DMXL1: variants seen among roughly 807,000 people sequenced by gnomAD.
DMXL1 encodes the protein dmX-like protein 1.
A neutral mutation model predicts 319.2 loss-of-function variants in DMXL1; 99 were observed. That is an observed-to-expected ratio of 0.31 (90% CI 0.26 to 0.37). DMXL1 has a LOEUF of 0.37. Ranked by LOEUF, DMXL1 falls within the 10% of genes least tolerant of loss-of-function variation. The pLI is 1.00. For missense variants in DMXL1, 3,745 were observed against 3,595.6 expected, an observed-to-expected ratio of 1.04 and a Z score of -1.06; for synonymous variants, 1,385 against 1,235.2, an observed-to-expected ratio of 1.12 and a Z score of -2.54.
Position 119,134,327 on chromosome 5 carries a change from T to C in DMXL1, c.2314T>C (p.Leu772=), listed in dbSNP as rs1304814207. 12 of 1,613,704 alleles carry C rather than the reference T, an allele frequency of 7.4e-6. No individual in the cohort carries two copies. The highest frequency in any genetic ancestry group is 9.3e-6 in the Non-Finnish European group (11 of 1,179,838). Residue 772 remains leucine (L), a synonymous_variant, in exon 13 of 44, where the codon TTA becomes CTA. Coordinates refer to ENST00000539542, the MANE Select transcript of DMXL1 (RefSeq NM_001290321.3). ...FVASDGQYLR[L]YEAVIDAKKL... Reference sequence around the variant, plus strand: ...AGCCAGTGATGGACAATATCTGAGATTATATGAAGCAGTTATTGATGCTAA... The same window carrying C: ...AGCCAGTGATGGACAATATCTGAGACTATATGAAGCAGTTATTGATGCTAA...
At chr5:119,152,096 G>A in intron 19 of DMXL1, 60 bp downstream of exon 19, 1 of 1,195,192 alleles carries the variant, frequency 8.4e-7, no homozygotes, top group Non-Finnish European at 1.2e-6. Flanking sequence ...AGAGACTTGG[G>A]AGTTTTTAAA....
At chr5:119,147,859 G>A (rs1481901147) in intron 17 of DMXL1, among the ~76,000 whole-genome samples, 1 of 152,142 alleles carries the variant, frequency 6.6e-6, no homozygotes, top group Non-Finnish European at 1.5e-5. Flanking sequence ...TTCCAGAGCA[G>A]TGGTTTTCAA....
intron 1 of DMXL1, among the ~76,000 whole-genome samples, chr5:119,073,227 TAA>T (rs1414630739): frequency 6.6e-6 from 1 of 152,118 alleles, no homozygotes; most frequent in Non-Finnish European, 1.5e-5. Flanking sequence ...CACGGCTGGC[TAA>T]GTTTTCTATT....
rs376781233 is a variant in DMXL1, at chr5:119,247,045, T to C, written c.8973T>C (p.His2991=). The C allele has an allele frequency of 6.1e-5, 99 of 1,614,060 alleles. No homozygotes were observed. Among genetic ancestry groups the C allele is most frequent in the Non-Finnish European group, 7.9e-5 (93 of 1,179,996 alleles). Residue 2991 remains histidine, a synonymous_variant, in exon 44 of 44, where the codon CAT becomes CAC. Transcript: ENST00000539542. ...FGLLHTFVSE[H]ARQSIFRNIG... ...TTCTCCATACTTTTGTCAGTGAACA[T>C]GCTCGGCAGTCCATTTTTAGAAATA...
chr5:119,122,092 C>A (rs1207118893), intron 9 of DMXL1, among the ~76,000 whole-genome samples: 10 of 140,700 alleles, frequency 7.1e-5, no homozygotes, highest in African/African-American at 2.6e-4. Context: ...GGGGGGCTGA[C>A]CCCCCCACCT....
chr5:119,171,652 C>CT (rs1225670706), intron 24 of DMXL1, 126 bp from the exon 25 acceptor site: 12 of 732,514 alleles, frequency 1.6e-5, no homozygotes, highest in African/African-American at 5.6e-5. Flanking sequence ...CCTTCTAACT[C>CT]TAAGTTTCTA....
At chr5:119,231,857 A>G (rs571155752) in intron 38 of DMXL1, among the ~76,000 whole-genome samples, 2 of 152,344 alleles carry the variant, frequency 1.3e-5, no homozygotes, top group South Asian at 4.1e-4. Flanking sequence ...TTTCTGATTG[A>G]TTAAGCTTAA....
At chr5:119,232,021 A>G (rs555590772) in intron 38 of DMXL1, among the ~76,000 whole-genome samples, 1 of 151,960 alleles carries the variant, frequency 6.6e-6, no homozygotes, top group Non-Finnish European at 1.5e-5. Flanking sequence ...CCCAGGCAGG[A>G]GTTTTATGGC....
At chr5:119,126,221 T>A (rs1763538809) in intron 9 of DMXL1, among the ~76,000 whole-genome samples, 1 of 152,118 alleles carries the variant, frequency 6.6e-6, no homozygotes, top group African/African-American at 2.4e-5. Flanking sequence ...AGGCGGAGGT[T>A]GTAGTGAGCT....
Position 119,071,680 on chromosome 5 carries a change from C to T in DMXL1, c.87+24C>T, listed in dbSNP as rs1042753188. ...CGGTGAGTGAGGGAGGCCCTCGCGT[C>T]GCCCGTGGCCCGGCCTTTGCCCGTC... On this transcript the variant is annotated intron_variant, in intron 1 of 43. Coordinates refer to ENST00000539542, the MANE Select transcript of DMXL1 (RefSeq NM_001290321.3). The T allele has an allele frequency of 6.4e-6, 10 of 1,561,050 alleles. No individual in the cohort carries two copies. The African/African-American group carries it at 1.1e-4, about 17-fold the overall frequency.
rs191118612 is a variant in DMXL1, at chr5:119,182,570, A to G, written c.7135+4326A>G. 3.6e-3 allele frequency among the ~76,000 whole-genome samples: 554 copies of G among 152,258 alleles called. 2 individuals carry two copies. Among genetic ancestry groups the G allele is most frequent in the South Asian group, 0.019 (91 of 4,832 alleles). On this transcript the variant is annotated intron_variant, in intron 28 of 43. Transcript: ENST00000539542. ...CATGAACTAGATTATATTTCTTTCT[A>G]TATATCTATTATATACTTAATGTAT...
In DMXL1 at chr5:119,171,187, G is replaced by T; in HGVS notation, c.6396G>T (p.Met2132Ile). The change falls in exon 24 of 44, where the codon ATG becomes ATT. Residue 2132 changes from methionine (M) to isoleucine (I), a missense_variant. Met to Ile is a conservative substitution (Grantham distance 10). This residue lies in a region of DMXL1 where 1,382 missense variants were observed against 1,269.5 expected (regional missense o/e 1.09). Transcript: ENST00000539542. ...WLLKYQSLLR[M>I]FLSYCILHGS... ...TGAAGTATCAGTCACTTTTGAGAATGTTTCTTAGTTACTGCATACTTCATG... is the reference window on the plus strand; with the variant it reads ...TGAAGTATCAGTCACTTTTGAGAATTTTTCTTAGTTACTGCATACTTCATG... The T allele has an allele frequency of 6.2e-7, 1 of 1,613,916 alleles. No homozygotes were observed. Among genetic ancestry groups the T allele is most frequent in the Non-Finnish European group, 8.5e-7 (1 of 1,179,868 alleles).
intron 1 of DMXL1, among the ~76,000 whole-genome samples, chr5:119,080,412 C>T (rs879315874): frequency 6.6e-6 from 1 of 152,090 alleles, no homozygotes; most frequent in Non-Finnish European, 1.5e-5. Context: ...GTGCACCTTC[C>T]AACCCACACC....
intron 4 of DMXL1, 58 bp from the exon 5 acceptor site, chr5:119,110,093 G>A (rs1759244350): frequency 2.6e-5 from 37 of 1,431,074 alleles, no homozygotes; most frequent in Non-Finnish European, 3.5e-5. Flanking sequence ...TCTTGAGCAT[G>A]TAAATTAAGT....
chr5:119,224,679 G>T, intron 37 of DMXL1, 30 bp from the exon 38 acceptor site: 1 of 811,718 alleles, frequency 1.2e-6, no homozygotes, highest in Non-Finnish European at 1.9e-6. Flanking sequence ...TTTTTATTAT[G>T]CCTATAAAAT....
At position 119,149,467 on chromosome 5, in the gene DMXL1, C is replaced by T. The variant is rs776653721; in HGVS notation, c.3640C>T (p.Pro1214Ser). The change falls in exon 18 of 44, where the codon CCT (proline) becomes TCT (serine). Residue 1214 changes from proline (P) to serine (S), a missense_variant. Physicochemically the swap from Pro to Ser is moderately conservative, Grantham distance 74 (BLOSUM62 -1). This residue lies in a region of DMXL1 where 2,096 missense variants were observed against 1,985.4 expected (regional missense o/e 1.06). Coordinates refer to ENST00000539542, the MANE Select transcript of DMXL1 (RefSeq NM_001290321.3). ...DLVSSVDGSP[P>S]FPVSLSWVRD... ...AGTTTCTTCTGTAGATGGCTCCCCA[C>T]CTTTTCCTGTTTCTTTATCGTGGGT... The T allele has an allele frequency of 2.5e-6, 4 of 1,613,820 alleles. No homozygotes were observed. In the East Asian group the frequency reaches 8.9e-5, roughly 36 times the overall value.
At chr5:119,196,749 A>T (rs1561851217) in intron 31 of DMXL1, among the ~76,000 whole-genome samples, 1 of 152,174 alleles carries the variant, frequency 6.6e-6, no homozygotes, top group Non-Finnish European at 1.5e-5. Flanking sequence ...AATGGAGAGA[A>T]AACTAAGCAA....
Position 119,166,797 on chromosome 5 carries a change from T to G in DMXL1, c.5136+16T>G. 6.3e-7 allele frequency: 1 copy of G among 1,591,482 alleles called. No homozygotes were observed. Among genetic ancestry groups the G allele is most frequent in the Non-Finnish European group, 8.5e-7 (1 of 1,170,418 alleles). On this transcript the variant is annotated intron_variant, in intron 22 of 43. Transcript: ENST00000539542. ...TGCAATTGAGGTAATGAGTGAAATT[T>G]AAATAACAAAGTATAGCAATGTCAT... is the stretch of plus-strand genomic sequence containing the variant.
Position 119,176,907 on chromosome 5 carries a change from A to G in DMXL1, c.6759-450A>G, listed in dbSNP as rs540895594. 3.3e-4 allele frequency among the ~76,000 whole-genome samples: 50 copies of G among 152,236 alleles called. No homozygotes were observed. The South Asian group carries it at 0.01, about 31-fold the overall frequency. ...ATAGGTTTCATCTTTTAAGAGTAGT[A>G]TGATAACATTATTTGTGTTTTGTTC... On this transcript the variant is annotated intron_variant, in intron 26 of 43. Transcript: ENST00000539542.
Sources: gnomAD v4.1 joint callset for allele counts (sites outside exome capture counted in the v4.1 genomes callset) on GRCh38, gnomAD v4.1.1 for gene constraint, gnomAD v4.1.1 regional missense constraint, MANE v1.5 for transcripts, NCBI Gene and HGNC (gene_info 2026-07-23, HGNC 2026-07-21) for gene names.